WDFY2: variants seen among roughly 807,000 people sequenced by gnomAD.
WDFY2 encodes WD repeat and FYVE domain-containing protein 2.
In WDFY2, 36 loss-of-function variants were observed where a neutral mutation model predicts 56.4. That is an observed-to-expected ratio of 0.64 (90% CI 0.49 to 0.84). The LOEUF (loss-of-function observed/expected upper bound fraction) is 0.84, where lower values mean the gene tolerates loss of function less well. WDFY2 is among the 40% of genes least tolerant of loss of function. The pLI, the probability that WDFY2 is intolerant of heterozygous loss-of-function variation, is 0.00. For synonymous variants in WDFY2, 176 were observed against 183.7 expected (o/e 0.96, Z 0.34); for missense variants, 444 against 512.2 (o/e 0.87, Z 1.29).
At chr13:51,640,119 A>G (rs943279924) in intron 1 of WDFY2, among the ~76,000 whole-genome samples, 1 of 152,228 alleles carries the variant, frequency 6.6e-6, no homozygotes, top group Non-Finnish European at 1.5e-5. Context: ...TGAACTTTTT[A>G]TTAATATCAA....
rs773228710 is a variant in WDFY2 at position 51,703,665 on chromosome 13, GAGT to G, written c.334+17_334+19del. The G allele has an allele frequency of 8.8e-6, 14 of 1,599,606 alleles. No individual in the cohort carries two copies. In the South Asian group the frequency reaches 1.5e-4, roughly 17 times the overall value. On this transcript the variant is annotated intron_variant, in intron 4 of 11. Transcript: ENST00000298125. ...AAACTATCAAGGTAGGGAGTGAGAG[GAGT>G]ACCTTCATTACCCAGATTCTAAAAT...
intron 1 of WDFY2, chr13:51,590,111 C>G (rs1238103984): frequency 2.0e-5 from 3 of 152,132 alleles, no homozygotes; most frequent in Non-Finnish European, 4.4e-5. Flanking sequence ...ATTATTAAAC[C>G]AGAGTCTGTC....
At chr13:51,706,999 T>C (rs1187373599) in intron 4 of WDFY2, among the ~76,000 whole-genome samples, 1 of 152,068 alleles carries the variant, frequency 6.6e-6, no homozygotes, top group East Asian at 1.9e-4. Flanking sequence ...AAAACGATTA[T>C]GGAAAAAACA....
intron 1 of WDFY2, among the ~76,000 whole-genome samples, chr13:51,614,001 A>G (rs1386013775): frequency 6.6e-6 from 1 of 152,090 alleles, no homozygotes; most frequent in Non-Finnish European, 1.5e-5. Context: ...CCTGGCTAAC[A>G]TAGTGAAACC....
chr13:51,637,723 C>A (rs1242412163), intron 1 of WDFY2, among the ~76,000 whole-genome samples: 2 of 152,180 alleles, frequency 1.3e-5, no homozygotes, highest in Non-Finnish European at 2.9e-5. Context: ...ATGCGTCCAC[C>A]CTAGGTACAG....
intron 3 of WDFY2, among the ~76,000 whole-genome samples, chr13:51,689,387 T>A (rs1330709869): frequency 3.9e-5 from 6 of 152,160 alleles, no homozygotes; most frequent in Admixed American, 3.3e-4. Context: ...AACCTGAATT[T>A]GAGGAGGAAT....
intron 7 of WDFY2, among the ~76,000 whole-genome samples, chr13:51,745,375 A>G (rs551635225): frequency 6.6e-6 from 1 of 152,370 alleles, no homozygotes; most frequent in South Asian, 2.1e-4. Context: ...AGGAAAATCC[A>G]AAGAGTAGAC....
intron 3 of WDFY2, among the ~76,000 whole-genome samples, chr13:51,677,929 C>T (rs1157081235): frequency 2.6e-5 from 4 of 152,010 alleles, no homozygotes; most frequent in Non-Finnish European, 4.4e-5. Flanking sequence ...TTTATTTTTT[C>T]CTGTGAGGTA....
At chr13:51,679,708 C>T (rs924736780) in intron 3 of WDFY2, among the ~76,000 whole-genome samples, 1 of 152,088 alleles carries the variant, frequency 6.6e-6, no homozygotes, top group Non-Finnish European at 1.5e-5. Flanking sequence ...CAGTTTTTCT[C>T]TCATGGTTCT....
chr13:51,676,981 G>T (rs1371418267), intron 3 of WDFY2, among the ~76,000 whole-genome samples: 1 of 152,186 alleles, frequency 6.6e-6, no homozygotes, highest in Non-Finnish European at 1.5e-5. Flanking sequence ...CATAACATAG[G>T]AGTGGTTTGT....
intron 1 of WDFY2, among the ~76,000 whole-genome samples, chr13:51,609,436 A>G (rs1423423798): frequency 1.3e-5 from 2 of 152,208 alleles, no homozygotes; most frequent in Non-Finnish European, 2.9e-5. Flanking sequence ...TGGAAAAAGT[A>G]TAGAAAGTAG....
intron 8 of WDFY2, among the ~76,000 whole-genome samples, chr13:51,754,959 A>AGCTG (rs1953332405): frequency 6.6e-6 from 1 of 152,148 alleles, no homozygotes; most frequent in South Asian, 2.1e-4. Context: ...TGCCCCCTCC[A>AGCTG]GCCTCATCTC....
chr13:51,726,896 A>G (rs930785635), intron 5 of WDFY2, among the ~76,000 whole-genome samples: 1 of 152,084 alleles, frequency 6.6e-6, no homozygotes, highest in African/African-American at 2.4e-5. Context: ...TGTGACATAA[A>G]TTGCAAATAT....
At chr13:51,650,687 G>A (rs1003520129) in intron 1 of WDFY2, among the ~76,000 whole-genome samples, 5 of 152,118 alleles carry the variant, frequency 3.3e-5, no homozygotes, top group Admixed American at 6.5e-5. Context: ...GGTTTTTATC[G>A]TTGGTTCTGT....
chr13:51,590,895 C>G (rs1479780437), intron 1 of WDFY2: 1 of 152,066 alleles, frequency 6.6e-6, no homozygotes, highest in Non-Finnish European at 1.5e-5. Flanking sequence ...AAAATTAATT[C>G]AGAAGTATGA....
chr13:51,724,103 T>C (rs1043725539), intron 5 of WDFY2, among the ~76,000 whole-genome samples: 1 of 152,008 alleles, frequency 6.6e-6, no homozygotes, highest in African/African-American at 2.4e-5. Flanking sequence ...CTTAGGTTGG[T>C]TGGTTGTTTT....
At chr13:51,746,483 T>C (rs1433510482) in intron 7 of WDFY2, among the ~76,000 whole-genome samples, 3 of 152,230 alleles carry the variant, frequency 2.0e-5, no homozygotes, top group African/African-American at 7.2e-5. Flanking sequence ...TATGAGTTCT[T>C]AAAGTGGCTA....
At chr13:51,729,073 T>G (rs1952666048) in intron 6 of WDFY2, among the ~76,000 whole-genome samples, 3 of 152,296 alleles carry the variant, frequency 2.0e-5, no homozygotes, top group Non-Finnish European at 4.4e-5. Context: ...GGTGCATCGC[T>G]TCACCCACGG....
chr13:51,681,790 A>G (rs908127205), intron 3 of WDFY2, among the ~76,000 whole-genome samples: 3 of 152,150 alleles, frequency 2.0e-5, no homozygotes, highest in African/African-American at 7.2e-5. Flanking sequence ...CTATTTATTC[A>G]TTTAATATCA....
Sources: gnomAD v4.1 joint callset for allele counts (sites outside exome capture counted in the v4.1 genomes callset) on GRCh38, gnomAD v4.1.1 for gene constraint, MANE v1.5 for transcripts, NCBI Gene and HGNC (gene_info 2026-07-23, HGNC 2026-07-21) for gene names.